Variants in PUM1 observed in about 807,000 individuals in gnomAD.
PUM1 encodes pumilio homolog 1.
Under a neutral mutation model 131.8 loss-of-function variants are expected in PUM1, and 13 were observed. The ratio of observed to expected loss-of-function variants is 0.10; its 90% CI spans 0.06 to 0.16. The LOEUF (loss-of-function observed/expected upper bound fraction) is 0.16. Among genes scored for constraint, PUM1 ranks in the 10% least tolerant of loss-of-function variants. The pLI, the probability that PUM1 is intolerant of heterozygous loss-of-function variation, is 1.00. For missense variants in PUM1, 961 were observed against 1,512.4 expected (o/e 0.64, Z 6.05); for synonymous variants, 509 against 556.5 (o/e 0.91, Z 1.20).
chr1:31,044,236 C>G (rs1643901628), intron 2 of PUM1, among the ~76,000 whole-genome samples: 1 of 151,946 alleles, frequency 6.6e-6, no homozygotes, highest in Non-Finnish European at 1.5e-5. Context: ...CCCGTCTCAA[C>G]TAAAAATACA....
chr1:30,936,932 G>C, intron 20 of PUM1, 97 bp from the exon 21 acceptor site: 2 of 1,016,268 alleles, frequency 2.0e-6, no homozygotes, highest in East Asian at 2.7e-5. Flanking sequence ...CGGACCAGCA[G>C]GGAGAGAGAG....
intron 20 of PUM1, 68 bp from the exon 21 acceptor site, chr1:30,936,903 T>C (rs1340596132): frequency 7.2e-7 from 1 of 1,391,588 alleles, no homozygotes; most frequent in African/African-American, 1.4e-5. Flanking sequence ...TGTGCTTGCC[T>C]AGCTTCTGCC....
chr1:30,988,353 A>G (rs1380570451), intron 7 of PUM1, among the ~76,000 whole-genome samples: 1 of 152,232 alleles, frequency 6.6e-6, no homozygotes, highest in East Asian at 1.9e-4. Context: ...ATCTCATTAT[A>G]GGCTGATAAT....
intron 10 of PUM1, among the ~76,000 whole-genome samples, chr1:30,972,004 C>T (rs1383512845): frequency 2.0e-5 from 3 of 151,762 alleles, no homozygotes; most frequent in Non-Finnish European, 4.4e-5. Context: ...ACCTGTAACC[C>T]AGCACTCTGG....
At chr1:30,964,132 T>C (rs1053373192) in intron 14 of PUM1, among the ~76,000 whole-genome samples, 4 of 152,214 alleles carry the variant, frequency 2.6e-5, no homozygotes, top group African/African-American at 7.2e-5. Flanking sequence ...AAATATTTAA[T>C]AGGGAAATAT....
intron 20 of PUM1, among the ~76,000 whole-genome samples, chr1:30,939,819 C>CTGCA: frequency 6.6e-6 from 1 of 152,152 alleles, no homozygotes; most frequent in Non-Finnish European, 1.5e-5. Context: ...GAGTGCACCA[C>CTGCA]TGCACTCCAG....
At chr1:30,987,423 C>A (rs1006318292) in intron 7 of PUM1, among the ~76,000 whole-genome samples, 1 of 152,114 alleles carries the variant, frequency 6.6e-6, no homozygotes, top group African/African-American at 2.4e-5. Context: ...TCTCGAACTC[C>A]TGACCTCATG....
intron 2 of PUM1, among the ~76,000 whole-genome samples, chr1:31,047,448 A>C (rs7545143): frequency 0.28 from 43,086 of 152,162 alleles, 6,594 homozygotes; most frequent in Non-Finnish European, 0.34. Flanking sequence ...ATGAATGTTT[A>C]AGTCCTTTCA....
At chr1:30,961,637 T>C (rs1364041747) in intron 14 of PUM1, among the ~76,000 whole-genome samples, 5 of 152,028 alleles carry the variant, frequency 3.3e-5, no homozygotes, top group East Asian at 3.9e-4. Context: ...AAAAAAATAA[T>C]AGGAAAAATT....
Position 30,968,391 on chromosome 1 carries a change from G to A in PUM1, c.1608C>T (p.Ala536=). The change falls in exon 11 of 22, where the codon GCC becomes GCT. Residue 536 remains alanine, a synonymous_variant. Coordinates refer to ENST00000426105, the MANE Select transcript of PUM1 (RefSeq NM_001020658.2). ...CTGCCAGACCTTGTCCAAATGCAAG[G>A]GCAGAATTCACTGCTGCAGCTGCCA... The part of the protein sequence containing the change: ...PLVAAAAVNS[A]LAFGQGLAAG... 6.3e-7 allele frequency: 1 copy of A among 1,591,684 alleles called. No individual in the cohort carries two copies. The highest frequency in any genetic ancestry group is 8.6e-7 in the Non-Finnish European group (1 of 1,168,716).
At chr1:31,022,772 T>C (rs896893256) in intron 3 of PUM1, among the ~76,000 whole-genome samples, 5 of 152,132 alleles carry the variant, frequency 3.3e-5, no homozygotes, top group African/African-American at 1.2e-4. Context: ...TGGTTAGCTG[T>C]TTTTTCTAAA....
intron 5 of PUM1, among the ~76,000 whole-genome samples, chr1:30,999,298 C>T (rs1451208351): frequency 6.6e-6 from 1 of 152,132 alleles, no homozygotes; most frequent in Non-Finnish European, 1.5e-5. Context: ...TAACACCTAG[C>T]CCAGTCTTTT....
chr1:30,998,472 T>TA (rs5773332), intron 5 of PUM1, among the ~76,000 whole-genome samples: 42,796 of 150,626 alleles, frequency 0.28, 7,850 homozygotes, highest in East Asian at 0.53. Context: ...ACGCCATCTC[T>TA]AAAAAAAAAG....
chr1:31,035,623 C>A (rs1166409793), intron 2 of PUM1, among the ~76,000 whole-genome samples: 1 of 150,914 alleles, frequency 6.6e-6, no homozygotes. Flanking sequence ...TGGTGGCGTG[C>A]ACCTGTAATC....
chr1:31,050,922 TTC>T (rs1644093231), intron 2 of PUM1: 2 of 261,314 alleles, frequency 7.7e-6, no homozygotes. Context: ...TCAGCCAGGG[TTC>T]TCTCTCTTGT....
chr1:30,958,990 T>C (rs1004817560), intron 14 of PUM1, among the ~76,000 whole-genome samples: 2 of 152,182 alleles, frequency 1.3e-5, no homozygotes, highest in Admixed American at 6.6e-5. Context: ...CTTATTAAAA[T>C]AGTACATTTT....
chr1:31,001,674 T>C (rs751206597), intron 5 of PUM1, among the ~76,000 whole-genome samples: 2 of 152,240 alleles, frequency 1.3e-5, no homozygotes, highest in African/African-American at 2.4e-5. Flanking sequence ...GAAAGTACAG[T>C]TGTCTTTTTA....
At position 30,931,944 on chromosome 1, in the gene PUM1, C is replaced by CA. The variant is rs1281543675; in HGVS notation, c.*1266dup. 6.6e-6 allele frequency: 1 copy of CA among 152,496 alleles called. No individual in the cohort carries two copies. The highest frequency in any genetic ancestry group is 1.5e-5 in the Non-Finnish European group (1 of 68,034). 9.4% of individuals were successfully genotyped at this position (152,496 alleles called of 1,614,324 possible). A position where few individuals can be genotyped will look rare whatever the true frequency, so the allele number is the denominator to read the frequency against. On this transcript the variant is annotated 3_prime_UTR_variant, in exon 22 of 22. Transcript: ENST00000426105. ...GATTAAAAAAACACTAGTGAGAACTCAATCTTGAATAACATTTAGAAAGAA... is the reference window on the plus strand; with the variant it reads ...GATTAAAAAAACACTAGTGAGAACTCAAATCTTGAATAACATTTAGAAAGAA...
intron 9 of PUM1, among the ~76,000 whole-genome samples, chr1:30,976,845 AAG>A (rs952895913): frequency 1.3e-5 from 2 of 152,204 alleles, no homozygotes; most frequent in Non-Finnish European, 2.9e-5. Flanking sequence ...AAAAAAAAAA[AAG>A]AGTGATAGAG....
Sources: gnomAD v4.1 joint callset for allele counts (sites outside exome capture counted in the v4.1 genomes callset) on GRCh38, gnomAD v4.1.1 for gene constraint, MANE v1.5 for transcripts, NCBI Gene and HGNC (gene_info 2026-07-23, HGNC 2026-07-21) for gene names.